The following PLCL1 variants were observed in gnomAD, a reference collection of about 807,000 sequenced individuals.
PLCL1 encodes the protein inactive phospholipase C-like protein 1.
In PLCL1, 41 loss-of-function variants were observed where a neutral mutation model predicts 84.4. The ratio of observed to expected loss-of-function variants is 0.49; its 90% confidence interval spans 0.38 to 0.63. The LOEUF (loss-of-function observed/expected upper bound fraction) is 0.63, where lower values mean the gene tolerates loss of function less well. PLCL1 is among the 30% of genes least tolerant of loss of function. The pLI is 0.00. For synonymous variants in PLCL1, 490 were observed against 488.3 expected (o/e 1.00, Z -0.05); for missense variants, 1,206 against 1,367.8 (o/e 0.88, Z 1.87).
rs144568200 is a variant in PLCL1 at position 198,065,576 on chromosome 2, G to A, written c.241-18182G>A. Among the ~76,000 whole-genome samples the A allele has an allele frequency of 1.9e-4, 29 of 152,264 alleles. 1 individual carries two copies. The East Asian group carries it at 5.6e-3, about 29-fold the overall frequency. Reference sequence around the variant, plus strand: ...ATTCATAAAACGGTTGTATTGTTTGGCCTTATGGAAGGATGTTGATTAAGT... The same window carrying A: ...ATTCATAAAACGGTTGTATTGTTTGACCTTATGGAAGGATGTTGATTAAGT... On this transcript the variant is annotated intron_variant, in intron 1 of 5. Coordinates refer to ENST00000428675, the MANE Select transcript of PLCL1 (RefSeq NM_006226.4).
chr2:197,944,966 G>C (rs1301966028), intron 1 of PLCL1, among the ~76,000 whole-genome samples: 1 of 152,114 alleles, frequency 6.6e-6, no homozygotes, highest in African/African-American at 2.4e-5. Flanking sequence ...GAAGTAACAA[G>C]AGCAAAAGTA....
intron 5 of PLCL1, among the ~76,000 whole-genome samples, chr2:198,132,788 C>T (rs1694151851): frequency 6.6e-6 from 1 of 151,920 alleles, no homozygotes; most frequent in African/African-American, 2.4e-5. Context: ...TGCCTGTTCA[C>T]TCTGATGGTA....
intron 1 of PLCL1, among the ~76,000 whole-genome samples, chr2:198,019,129 G>C (rs1285385782): frequency 6.6e-6 from 1 of 152,166 alleles, no homozygotes; most frequent in Non-Finnish European, 1.5e-5. Context: ...CAGCAGACCT[G>C]CAGCAAAGGG....
chr2:197,857,879 T>C (rs904743429), intron 1 of PLCL1, among the ~76,000 whole-genome samples: 1 of 151,708 alleles, frequency 6.6e-6, no homozygotes, highest in African/African-American at 2.4e-5. Context: ...CAAGAGGAAG[T>C]TGACATATGG....
rs1574888060 is a variant in PLCL1 at position 197,805,368 on chromosome 2, G to A, written c.240+29G>A. 7.5e-7 allele frequency: 1 copy of A among 1,335,268 alleles called. No homozygotes were observed. Among genetic ancestry groups the A allele is most frequent in the Non-Finnish European group, 9.5e-7 (1 of 1,048,740 alleles). The allele number at this position is 1,335,268 out of a possible 1,614,324, so 82.7% of individuals were successfully genotyped here. A position where few individuals can be genotyped will look rare whatever the true frequency, so the allele number is the denominator to read the frequency against. ...AGCAAAGCCGCGCCGCACCGGGAGC[G>A]TGGCTGTGGGTGATGGGTGGGTCAG... is the stretch of plus-strand genomic sequence containing the variant. On this transcript the variant is annotated intron_variant, in intron 1 of 5. Coordinates refer to ENST00000428675, the MANE Select transcript of PLCL1 (RefSeq NM_006226.4). The surrounding 1 kb of genome is among the most constrained non-coding windows in gnomAD (Gnocchi z 4.0).
intron 1 of PLCL1, among the ~76,000 whole-genome samples, chr2:197,946,843 C>T (rs1182145761): frequency 6.6e-6 from 1 of 152,180 alleles, no homozygotes; most frequent in African/African-American, 2.4e-5. Flanking sequence ...AGCCTCTCTT[C>T]TGAAAGAGCC....
intron 1 of PLCL1, among the ~76,000 whole-genome samples, chr2:198,078,595 G>A (rs1243961556): frequency 6.6e-6 from 1 of 151,926 alleles, no homozygotes; most frequent in Non-Finnish European, 1.5e-5. Flanking sequence ...TGTAGCTGGA[G>A]TTCAGTGTTA....
At chr2:198,116,429 T>A (rs928130390) in intron 5 of PLCL1, among the ~76,000 whole-genome samples, 1 of 151,922 alleles carries the variant, frequency 6.6e-6, no homozygotes, top group Non-Finnish European at 1.5e-5. Context: ...TATCTATGAA[T>A]GCAGGATAAT....
At chr2:198,002,334 A>C (rs1309005413) in intron 1 of PLCL1, among the ~76,000 whole-genome samples, 1 of 152,170 alleles carries the variant, frequency 6.6e-6, no homozygotes, top group Non-Finnish European at 1.5e-5. Context: ...TTTTTGTTGT[A>C]TATATATCTT....
At chr2:197,861,293 A>G (rs1261877656) in intron 1 of PLCL1, among the ~76,000 whole-genome samples, 16 of 152,144 alleles carry the variant, frequency 1.1e-4, no homozygotes, top group Non-Finnish European at 1.5e-5. Flanking sequence ...CCTCCATAAA[A>G]GCTTTGGATA....
chr2:197,957,888 A>G (rs904277244), intron 1 of PLCL1, among the ~76,000 whole-genome samples: 8 of 152,026 alleles, frequency 5.3e-5, no homozygotes, highest in Non-Finnish European at 1.5e-5. Context: ...ATCATACAAG[A>G]TCTATCAAAT....
intron 5 of PLCL1, among the ~76,000 whole-genome samples, chr2:198,137,211 T>G (rs1396046557): frequency 1.3e-5 from 2 of 152,224 alleles, no homozygotes; most frequent in African/African-American, 4.8e-5. Context: ...GAAGCCGGCA[T>G]TATTCATTTC....
At position 197,933,561 on chromosome 2, in the gene PLCL1, A is replaced by G. The variant is rs537158507; in HGVS notation, c.240+128222A>G. Among the ~76,000 whole-genome samples, 13 of 152,272 alleles carry G rather than the reference A, an allele frequency of 8.5e-5. 1 individual carries two copies. The South Asian group carries it at 2.7e-3, about 32-fold the overall frequency. On this transcript the variant is annotated intron_variant, in intron 1 of 5. Coordinates refer to ENST00000428675, the MANE Select transcript of PLCL1 (RefSeq NM_006226.4). ...ATAGATTAATTGCAAATCTTTAGCT[A>G]TATTAGTTAAGGAAAAGGCTGTGAT... is the stretch of plus-strand genomic sequence containing the variant.
intron 1 of PLCL1, among the ~76,000 whole-genome samples, chr2:198,031,658 G>A (rs1691427044): frequency 1.0e-5 from 1 of 96,788 alleles, no homozygotes; most frequent in Non-Finnish European, 2.0e-5. Context: ...AATGGCCAGT[G>A]CTTTTTTTTT....
At chr2:197,907,610 G>A (rs900931784) in intron 1 of PLCL1, among the ~76,000 whole-genome samples, 6 of 152,182 alleles carry the variant, frequency 3.9e-5, no homozygotes, top group Non-Finnish European at 8.8e-5. Context: ...CATGGCATGG[G>A]ATGAAAAGAA....
intron 1 of PLCL1, among the ~76,000 whole-genome samples, chr2:198,066,902 T>C (rs1315719398): frequency 6.6e-6 from 1 of 152,188 alleles, no homozygotes; most frequent in Non-Finnish European, 1.5e-5. Flanking sequence ...CTACCTAAAA[T>C]ACTCCATATT....
Position 198,084,306 on chromosome 2 carries a change from C to G in PLCL1, c.789C>G (p.Thr263=). Residue 263 remains threonine, a synonymous_variant, in exon 2 of 6, where the codon ACC becomes ACG. Transcript: ENST00000428675. ...GGAATGGGATTATGTTGGAAGACACCTCTGTAGAGTTAATAAAACAACTCA... is the reference window on the plus strand; with the variant it reads ...GGAATGGGATTATGTTGGAAGACACGTCTGTAGAGTTAATAAAACAACTCA... ...VDGNGIMLED[T]SVELIKQLNP... The G allele has an allele frequency of 6.2e-7, 1 of 1,613,932 alleles. No individual in the cohort carries two copies. Among genetic ancestry groups the G allele is most frequent in the East Asian group, 2.2e-5 (1 of 44,874 alleles).
At chr2:197,882,378 A>T (rs573673901) in intron 1 of PLCL1, among the ~76,000 whole-genome samples, 2 of 152,310 alleles carry the variant, frequency 1.3e-5, no homozygotes, top group African/African-American at 4.8e-5. Flanking sequence ...AACTGTGTTC[A>T]TCTAATTTAA....
intron 1 of PLCL1, among the ~76,000 whole-genome samples, chr2:198,009,694 T>C (rs1378455573): frequency 6.6e-6 from 1 of 151,938 alleles, no homozygotes; most frequent in Non-Finnish European, 1.5e-5. Context: ...AATTTTATAA[T>C]TATTTTTCTG....
Sources: allele counts gnomAD v4.1 joint callset (sites outside exome capture counted in the v4.1 genomes callset), GRCh38; gene constraint gnomAD v4.1.1; non-coding constraint Gnocchi (gnomAD v3.1); transcripts MANE v1.5; gene names NCBI Gene and HGNC (gene_info 2026-07-23, HGNC 2026-07-21).